Variants in AFAP1L1 observed in about 807,000 individuals in gnomAD.
AFAP1L1 encodes actin filament-associated protein 1-like 1.
In AFAP1L1, 77 loss-of-function variants were observed where a neutral mutation model predicts 99.8. The observed-to-expected ratio is 0.77, with a 90% CI of 0.64 to 0.93. The LOEUF (loss-of-function observed/expected upper bound fraction) is 0.93. Among genes scored for constraint, AFAP1L1 ranks in the 40% least tolerant of loss-of-function variants. The probability of loss-of-function intolerance (pLI) is 0.00; values close to 1 mark genes in which losing one functional copy is unlikely to be tolerated. For missense variants in AFAP1L1, 893 were observed against 996.8 expected (o/e 0.90, Z 1.40); for synonymous variants, 373 against 395.3 (o/e 0.94, Z 0.67).
intron 16 of AFAP1L1, among the ~76,000 whole-genome samples, chr5:149,332,277 G>A (rs1436101214): frequency 1.3e-5 from 2 of 152,128 alleles, no homozygotes; most frequent in Admixed American, 6.5e-5. Context: ...TGTGCCTGTA[G>A]TCCCAGCTAC....
At position 149,335,675 on chromosome 5, in the gene AFAP1L1, C is replaced by T. The variant is rs746753250; in HGVS notation, c.2236C>T (p.Pro746Ser). The T allele has an allele frequency of 2.5e-6, 4 of 1,613,796 alleles. 1 individual carries two copies. The highest frequency in any genetic ancestry group is 2.2e-5 in the South Asian group (2 of 91,054). ...TGTTTCTGAGCTGAGGAAGAGGAGCCCATCCATCGTAGCCTCCAACCAAGG... is the reference window on the plus strand; with the variant it reads ...TGTTTCTGAGCTGAGGAAGAGGAGCTCATCCATCGTAGCCTCCAACCAAGG... ...NCVSELRKRS[P>S]SIVASNQGRV... The change falls in exon 18 of 19, where the codon CCA (proline) becomes TCA (serine). Residue 746 changes from proline (P) to serine (S), a missense_variant. Transcript: ENST00000296721.
rs1176778254 is a variant in AFAP1L1, at chr5:149,315,909, A to G, written c.1109A>G (p.Asp370Gly). Residue 370 changes from aspartate (D) to glycine (G), a missense_variant, in exon 10 of 19, where the codon GAT (aspartate) becomes GGT (glycine). Coordinates refer to ENST00000296721, the MANE Select transcript of AFAP1L1 (RefSeq NM_152406.4). ...CSTLGRRETCDHGKGKKSSLA... is the reference protein window; with the variant it reads ...CSTLGRRETCGHGKGKKSSLA... ...ACCCTTGGCCGCCGGGAGACCTGTG[A>G]TCACGGTAGGAGCCTCTGGGGGCTC... 1.2e-6 allele frequency: 2 copies of G among 1,614,070 alleles called. No homozygotes were observed. Among genetic ancestry groups the G allele is most frequent in the Non-Finnish European group, 1.7e-6 (2 of 1,180,002 alleles).
At chr5:149,331,040 A>G (rs1490819870) in intron 16 of AFAP1L1, among the ~76,000 whole-genome samples, 1 of 152,098 alleles carries the variant, frequency 6.6e-6, no homozygotes, top group Non-Finnish European at 1.5e-5. Flanking sequence ...ACCCTCCGGC[A>G]CAGCCTCCCT....
chr5:149,272,037 G>C, intron 1 of AFAP1L1, 53 bp downstream of exon 1: 1 of 1,237,386 alleles, frequency 8.1e-7, no homozygotes, highest in Non-Finnish European at 1.0e-6. Flanking sequence ...GGGAAAGGGA[G>C]ACTGGACGAT....
At chr5:149,282,616 AT>A (rs1224907688) in intron 1 of AFAP1L1, among the ~76,000 whole-genome samples, 2 of 152,212 alleles carry the variant, frequency 1.3e-5, no homozygotes, top group Non-Finnish European at 1.5e-5. Context: ...ACACCTGTTC[AT>A]TATATATTGT....
intron 1 of AFAP1L1, among the ~76,000 whole-genome samples, chr5:149,297,003 T>G (rs953295053): frequency 2.0e-5 from 3 of 152,102 alleles, no homozygotes; most frequent in Non-Finnish European, 4.4e-5. Flanking sequence ...ACCTCCATGA[T>G]TCAGTTACCT....
chr5:149,335,804 A>C, intron 18 of AFAP1L1, 82 bp downstream of exon 18: 2 of 1,550,326 alleles, frequency 1.3e-6, no homozygotes, highest in Non-Finnish European at 1.7e-6. Context: ...CCAAAAAATC[A>C]ACTAGTGAGA....
At chr5:149,289,469 G>C (rs1659099) in intron 1 of AFAP1L1, among the ~76,000 whole-genome samples, 122,976 of 151,596 alleles carry the variant, frequency 0.81, 50,831 homozygotes, top group Non-Finnish European at 0.89. Context: ...TTTTTTCTGC[G>C]CCTTTGTCAT....
intron 1 of AFAP1L1, among the ~76,000 whole-genome samples, chr5:149,285,733 C>G (rs1356551282): frequency 6.6e-6 from 1 of 152,204 alleles, no homozygotes; most frequent in Non-Finnish European, 1.5e-5. Context: ...GGAACTGTCA[C>G]TCCTGATCCA....
intron 7 of AFAP1L1, among the ~76,000 whole-genome samples, chr5:149,309,330 G>A (rs1756537054): frequency 6.6e-6 from 1 of 151,942 alleles, no homozygotes; most frequent in African/African-American, 2.4e-5. Flanking sequence ...GTTGATCTTT[G>A]AATGGTAAAC....
Position 149,279,738 on chromosome 5 carries a change from C to G in AFAP1L1, c.16+7754C>G, listed in dbSNP as rs575315025. Reference sequence around the variant, plus strand: ...CAGCTCGCTTTGGACCCCCACCTACCTCTTGCCCTGGGCTCTTCTCACACT... The same window carrying G: ...CAGCTCGCTTTGGACCCCCACCTACGTCTTGCCCTGGGCTCTTCTCACACT... On this transcript the variant is annotated intron_variant, in intron 1 of 18. Transcript: ENST00000296721. Among the ~76,000 whole-genome samples, 30 of 152,332 alleles carry G rather than the reference C, an allele frequency of 2.0e-4. 1 individual carries two copies. The South Asian group carries it at 3.5e-3, about 18-fold the overall frequency.
At chr5:149,296,899 T>A (rs1007811050) in intron 1 of AFAP1L1, among the ~76,000 whole-genome samples, 2 of 152,122 alleles carry the variant, frequency 1.3e-5, no homozygotes, top group East Asian at 1.9e-4. Flanking sequence ...CTTCACATGG[T>A]GGCAACAAGG....
chr5:149,335,810 T>A, intron 18 of AFAP1L1, 88 bp downstream of exon 18: 1 of 1,538,340 alleles, frequency 6.5e-7, no homozygotes, highest in East Asian at 2.3e-5. Flanking sequence ...AATCAACTAG[T>A]GAGAAAGGTA....
At chr5:149,319,111 G>A (rs958009960) in intron 12 of AFAP1L1, among the ~76,000 whole-genome samples, 1 of 152,194 alleles carries the variant, frequency 6.6e-6, no homozygotes, top group Non-Finnish European at 1.5e-5. Context: ...ACATAAGTCC[G>A]TGTTTAGCTG....
At chr5:149,281,954 C>T (rs1755532364) in intron 1 of AFAP1L1, among the ~76,000 whole-genome samples, 1 of 152,246 alleles carries the variant, frequency 6.6e-6, no homozygotes, top group African/African-American at 2.4e-5. Context: ...ATCCTTCACA[C>T]TCTTCCTGCT....
chr5:149,275,309 T>C (rs1253761853), intron 1 of AFAP1L1, among the ~76,000 whole-genome samples: 1 of 152,172 alleles, frequency 6.6e-6, no homozygotes, highest in Non-Finnish European at 1.5e-5. Context: ...CAGTTCCAGA[T>C]GCTGGAAGTC....
At chr5:149,287,564 G>A (rs531623121) in intron 1 of AFAP1L1, among the ~76,000 whole-genome samples, 5 of 151,950 alleles carry the variant, frequency 3.3e-5, no homozygotes, top group African/African-American at 9.6e-5. Context: ...GTCCACCTGA[G>A]GTTCTATTTT....
chr5:149,307,818 T>TCTCTCTCTCTCTCTCTCTCTCTCTCTCTC (rs1756473058), intron 7 of AFAP1L1, among the ~76,000 whole-genome samples: 7 of 100,566 alleles, frequency 7.0e-5, no homozygotes, highest in East Asian at 3.3e-4. Context: ...GTGCCTCTCT[T>TCTCTCTCTCTCTCTCTCTCTCTCTCTCTC]TCTCTCTCTC....
intron 17 of AFAP1L1, among the ~76,000 whole-genome samples, chr5:149,333,442 T>C (rs1757314108): frequency 6.6e-6 from 1 of 152,110 alleles, no homozygotes; most frequent in African/African-American, 2.4e-5. Context: ...AATACAGCGG[T>C]CTCACATGCC....
Sources: gnomAD v4.1 joint callset for allele counts (sites outside exome capture counted in the v4.1 genomes callset) on GRCh38, gnomAD v4.1.1 for gene constraint, MANE v1.5 for transcripts, NCBI Gene and HGNC (gene_info 2026-07-23, HGNC 2026-07-21) for gene names.